Variants in EPHA10 observed in about 807,000 individuals in gnomAD.
EPHA10 encodes EPH receptor A10.
In EPHA10, 120 loss-of-function variants were observed where a neutral mutation model predicts 109.7. That is an observed-to-expected ratio of 1.09 (90% CI 0.94 to 1.27). EPHA10 has a LOEUF of 1.27. Among genes scored for constraint, EPHA10 ranks in the 50% most tolerant of loss-of-function variants. The pLI is 0.00. For synonymous variants in EPHA10, 640 were observed against 618.9 expected (o/e 1.03, Z -0.51); for missense variants, 1,396 against 1,411.1 (o/e 0.99, Z 0.17).
At chr1:37,751,201 C>CAAAAAAAAAAAAAA (rs1320111085) in intron 5 of EPHA10, among the ~76,000 whole-genome samples, 2 of 46,112 alleles carry the variant, frequency 4.3e-5, no homozygotes, top group African/African-American at 7.6e-5. Context: ...AGACTCCTCT[C>CAAAAAAAAAAAAAA]AAAAAAAAAA....
chr1:37,723,451 CTT>C, intron 8 of EPHA10, 79 bp from the exon 9 acceptor site: 1 of 1,498,230 alleles, frequency 6.7e-7, no homozygotes, highest in Non-Finnish European at 9.1e-7. Flanking sequence ...GGCAGCACCT[CTT>C]TGTCCCTTCA....
In EPHA10 at chr1:37,765,081, G is replaced by T; in HGVS notation, c.-15C>A. The stretch of plus-strand genomic sequence containing the variant: ...CAGGTCTCCATGGTCCGCAGACCGA[G>T]CTGTCAGTCCGGCGGCGGCTCAAGC... On this transcript the variant is annotated 5_prime_UTR_variant, in exon 1 of 17. Coordinates refer to ENST00000373048, the MANE Select transcript of EPHA10 (RefSeq NM_001099439.2). 2 of 1,579,034 alleles carry T rather than the reference G, an allele frequency of 1.3e-6. No homozygotes were observed. The highest frequency in any genetic ancestry group is 1.7e-6 in the Non-Finnish European group (2 of 1,166,624).
At chr1:37,730,327 G>A (rs576994545) in intron 7 of EPHA10, among the ~76,000 whole-genome samples, 1 of 152,286 alleles carries the variant, frequency 6.6e-6, no homozygotes, top group South Asian at 2.1e-4. Context: ...TAGCAGGTTG[G>A]AAAGAATTAT....
intron 7 of EPHA10, among the ~76,000 whole-genome samples, chr1:37,729,737 G>C (rs1557538545): frequency 6.6e-6 from 1 of 152,022 alleles, no homozygotes; most frequent in Non-Finnish European, 1.5e-5. Flanking sequence ...GCTGGTCATG[G>C]TGGCAAGCGC....
chr1:37,726,037 G>A (rs1021424594), intron 8 of EPHA10, among the ~76,000 whole-genome samples: 6 of 152,212 alleles, frequency 3.9e-5, no homozygotes, highest in Non-Finnish European at 8.8e-5. Flanking sequence ...GGCTTGCTCC[G>A]CCTCTGTAGT....
rs1646463991 is a variant in EPHA10 at position 37,765,090 on chromosome 1, C to T, written c.-24G>A. The T allele has an allele frequency of 1.3e-6, 2 of 1,565,232 alleles. No homozygotes were observed. The highest frequency in any genetic ancestry group is 1.3e-5 in the African/African-American group (1 of 74,074). On this transcript the variant is annotated 5_prime_UTR_variant, in exon 1 of 17. Transcript: ENST00000373048. Reference sequence around the variant, plus strand: ...ATGGTCCGCAGACCGAGCTGTCAGTCCGGCGGCGGCTCAAGCCGCGCCAGC... The same window carrying T: ...ATGGTCCGCAGACCGAGCTGTCAGTTCGGCGGCGGCTCAAGCCGCGCCAGC...
chr1:37,717,941 C>T lies in EPHA10; in HGVS notation c.*431G>A, dbSNP rs912373454. 4.0e-6 allele frequency: 1 copy of T among 249,172 alleles called. No homozygotes were observed. Among genetic ancestry groups the T allele is most frequent in the Non-Finnish European group, 7.9e-6 (1 of 127,070 alleles). The allele number at this position is 249,172 out of a possible 1,614,324, so 15.4% of individuals were successfully genotyped here. A position where few individuals can be genotyped will look rare whatever the true frequency, so the allele number is the denominator to read the frequency against. Reference sequence around the variant, plus strand: ...CAGGTAGAAGAAGACCCCCCCAGGACCCACGCTGTCTGACTGGTCAATGGG... The same window carrying T: ...CAGGTAGAAGAAGACCCCCCCAGGATCCACGCTGTCTGACTGGTCAATGGG... On this transcript the variant is annotated 3_prime_UTR_variant, in exon 17 of 17. Transcript: ENST00000373048.
At chr1:37,737,726 A>G (rs1646090890) in intron 5 of EPHA10, among the ~76,000 whole-genome samples, 1 of 152,228 alleles carries the variant, frequency 6.6e-6, no homozygotes, top group Non-Finnish European at 1.5e-5. Flanking sequence ...TATGACACCA[A>G]AAGCACAGGC....
chr1:37,717,007 CTT>C lies in EPHA10; in HGVS notation c.*1363_*1364del, dbSNP rs112895732. 423 of 232,520 alleles carry C rather than the reference CTT, an allele frequency of 1.8e-3. 7 individuals carry two copies. Among genetic ancestry groups the C allele is most frequent in the African/African-American group, 8.7e-3 (393 of 45,358 alleles). 14.4% of individuals were successfully genotyped at this position (232,520 alleles called of 1,614,324 possible). The stretch of plus-strand genomic sequence containing the variant: ...CTGTGTGTCTTTTTCATCTTTACCT[CTT>C]GTCTCCTCTTTCCCGCCCCATCCCA... On this transcript the variant is annotated 3_prime_UTR_variant, in exon 17 of 17. Transcript: ENST00000373048.
In EPHA10 at chr1:37,716,287, G is replaced by C. The variant is rs542027058; in HGVS notation, c.*2085C>G. On this transcript the variant is annotated 3_prime_UTR_variant, in exon 17 of 17. Coordinates refer to ENST00000373048, the MANE Select transcript of EPHA10 (RefSeq NM_001099439.2). ...CACCGAAGTCCTGCCAACACAGCCA[G>C]GGGCCCTTCTGCAGAAACAGCTGGG... The C allele has an allele frequency of 3.9e-6, 1 of 253,974 alleles. No homozygotes were observed. Among genetic ancestry groups the C allele is most frequent in the Non-Finnish European group, 7.6e-6 (1 of 131,682 alleles). 15.7% of individuals were successfully genotyped at this position (253,974 alleles called of 1,614,324 possible). A position where few individuals can be genotyped will look rare whatever the true frequency, so the allele number is the denominator to read the frequency against.
chr1:37,727,475 C>A (rs1248254592), intron 7 of EPHA10, among the ~76,000 whole-genome samples: 1 of 152,194 alleles, frequency 6.6e-6, no homozygotes, highest in African/African-American at 2.4e-5. Context: ...CAGGCAGGGC[C>A]AGGCCTCCCT....
intron 8 of EPHA10, among the ~76,000 whole-genome samples, chr1:37,726,581 CTA>C (rs1645895986): frequency 6.6e-6 from 1 of 152,242 alleles, no homozygotes; most frequent in African/African-American, 2.4e-5. Flanking sequence ...TACTCAAGCT[CTA>C]TGTCTTCCTC....
At position 37,718,085 on chromosome 1, in the gene EPHA10, G is replaced by C. The variant is rs533500798; in HGVS notation, c.*287C>G. On this transcript the variant is annotated 3_prime_UTR_variant, in exon 17 of 17. Transcript: ENST00000373048. ...TGTCTTCCCTCCCATCCCTGCCCCA[G>C]CTTTTCTCTGAGACCCCGAATTTCC... 1.8e-4 allele frequency: 81 copies of C among 445,416 alleles called. No individual in the cohort carries two copies. The highest frequency in any genetic ancestry group is 3.2e-4 in the Non-Finnish European group (80 of 251,616). 27.6% of individuals were successfully genotyped at this position (445,416 alleles called of 1,614,324 possible).
chr1:37,740,154 T>C (rs1646131688), intron 5 of EPHA10, among the ~76,000 whole-genome samples: 1 of 152,170 alleles, frequency 6.6e-6, no homozygotes. Flanking sequence ...TACTGTACTA[T>C]ACATGTGAAA....
chr1:37,717,078 C>T lies in EPHA10; in HGVS notation c.*1294G>A, dbSNP rs187430442. The T allele has an allele frequency of 1.1e-4, 20 of 188,374 alleles. No individual in the cohort carries two copies. Among genetic ancestry groups the T allele is most frequent in the African/African-American group, 2.6e-4 (11 of 42,764 alleles). 11.7% of individuals were successfully genotyped at this position (188,374 alleles called of 1,614,324 possible). A position where few individuals can be genotyped will look rare whatever the true frequency, so the allele number is the denominator to read the frequency against. On this transcript the variant is annotated 3_prime_UTR_variant, in exon 17 of 17. Transcript: ENST00000373048. The stretch of plus-strand genomic sequence containing the variant: ...AAGCAGAGCAGACAAGTGTCACGGG[C>T]GGCCTAAACAAACTCAGTCCCTGTG...
At chr1:37,756,028 G>A (rs898050350) in intron 3 of EPHA10, among the ~76,000 whole-genome samples, 1 of 152,190 alleles carries the variant, frequency 6.6e-6, no homozygotes, top group African/African-American at 2.4e-5. Flanking sequence ...GGTTTGAGAG[G>A]GTCCATCTTG....
chr1:37,743,764 A>G (rs931692439), intron 5 of EPHA10, among the ~76,000 whole-genome samples: 7 of 152,222 alleles, frequency 4.6e-5, no homozygotes, highest in Non-Finnish European at 7.3e-5. Flanking sequence ...AAAGTAGGCT[A>G]GGCTAAGGTA....
At chr1:37,718,592 C>T in intron 16 of EPHA10, 69 bp downstream of exon 16, 1 of 1,612,548 alleles carries the variant, frequency 6.2e-7, no homozygotes, top group Non-Finnish European at 8.5e-7. Flanking sequence ...TGGGACTCCC[C>T]AGTATAGGCA....
At chr1:37,719,670 ACACACACATG>A (rs1352196430) in intron 14 of EPHA10, 63 bp from the exon 15 acceptor site, 9 of 1,563,708 alleles carry the variant, frequency 5.8e-6, no homozygotes, top group Non-Finnish European at 7.9e-6. Flanking sequence ...TGGTGTGTGC[ACACACACATG>A]CACACACACA....
Sources: gnomAD v4.1 joint callset for allele counts (sites outside exome capture counted in the v4.1 genomes callset) on GRCh38, gnomAD v4.1.1 for gene constraint, MANE v1.5 for transcripts, NCBI Gene and HGNC (gene_info 2026-07-23, HGNC 2026-07-21) for gene names.